Variants in ZHX2 observed in about 807,000 individuals in gnomAD.
The protein encoded by ZHX2 is zinc fingers and homeoboxes protein 2.
A neutral mutation model predicts 21.9 loss-of-function variants in ZHX2; 6 were observed. The observed-to-expected ratio is 0.27, with a 90% CI of 0.15 to 0.54. The LOEUF (loss-of-function observed/expected upper bound fraction) is 0.54, where lower values mean the gene tolerates loss of function less well. Among genes scored for constraint, ZHX2 ranks in the 20% least tolerant of loss-of-function variants. ZHX2 has a pLI of 0.95. For synonymous variants in ZHX2, 434 were observed against 437.1 expected (o/e 0.99, Z 0.09); for missense variants, 908 against 1,090.7 (o/e 0.83, Z 2.36).
Position 122,782,862 on chromosome 8 carries a change from G to C in ZHX2, c.-283+916G>C, listed in dbSNP as rs1394364532. ...GGCGCTTTTCGTCTGCCCCACAAGA[G>C]GTTAATCTTTGTTGGTGTTGCAGCT... On this transcript the variant is annotated intron_variant, in intron 1 of 3. Transcript: ENST00000314393. This position sits in a 1 kb window ranked among gnomAD's most constrained non-coding sequence, Gnocchi z 5.3. Among the ~76,000 whole-genome samples the C allele has an allele frequency of 6.6e-6, 1 of 152,246 alleles. No individual in the cohort carries two copies.
intron 2 of ZHX2, among the ~76,000 whole-genome samples, chr8:122,868,916 A>G (rs1819365285): frequency 6.6e-6 from 1 of 152,200 alleles, no homozygotes; most frequent in Non-Finnish European, 1.5e-5. Context: ...AGGGACCTGC[A>G]TGGCTGGAGG....
chr8:122,862,091 C>G (rs905599427), intron 1 of ZHX2, among the ~76,000 whole-genome samples: 6 of 152,166 alleles, frequency 3.9e-5, no homozygotes, highest in African/African-American at 1.4e-4. Context: ...AGGAGGGAAG[C>G]CTGTGGCCAG....
At position 122,923,862 on chromosome 8, in the gene ZHX2, C is replaced by T. The variant is rs73333695; in HGVS notation, c.-219-27430C>T. On this transcript the variant is annotated intron_variant, in intron 2 of 3. Coordinates refer to ENST00000314393, the MANE Select transcript of ZHX2 (RefSeq NM_014943.5). The stretch of plus-strand genomic sequence containing the variant: ...CCATGGGTATGCTCTCTGACAGATT[C>T]CTGTCGATAACCACCACCCCTCAGC... Among the ~76,000 whole-genome samples, 1,491 of 152,298 alleles carry T rather than the reference C, an allele frequency of 9.8e-3. 23 individuals are homozygous for T. Among genetic ancestry groups the T allele is most frequent in the African/African-American group, 0.033 (1,365 of 41,542 alleles).
intron 1 of ZHX2, among the ~76,000 whole-genome samples, chr8:122,790,555 T>G (rs1349973841): frequency 6.6e-6 from 1 of 152,306 alleles, no homozygotes; most frequent in South Asian, 2.1e-4. Flanking sequence ...ACATGCCTTT[T>G]GTGGGTGTGC....
At chr8:122,780,743 T>C (rs1238462214), upstream of ZHX2, 2 of 152,156 alleles carry the variant, frequency 1.3e-5, no homozygotes, top group Non-Finnish European at 2.9e-5. Flanking sequence ...GGAGTCCCAG[T>C]TGCGAAAGCG....
At chr8:122,851,222 G>T (rs1244433937) in intron 1 of ZHX2, among the ~76,000 whole-genome samples, 1 of 152,200 alleles carries the variant, frequency 6.6e-6, no homozygotes, top group African/African-American at 2.4e-5. Context: ...AAGTGTGAGA[G>T]AAAAAGAAGA....
chr8:122,953,695 C>T lies in ZHX2; in HGVS notation c.2185C>T (p.Gln729Ter), dbSNP rs1813210526. 6.2e-7 allele frequency: 1 copy of T among 1,614,194 alleles called. No homozygotes were observed. Among genetic ancestry groups the T allele is most frequent in the Admixed American group, 1.7e-5 (1 of 60,032 alleles). The change falls in exon 3 of 4, where the codon CAA becomes TAA. Residue 729 changes from glutamine (Q) to a stop codon, truncating the protein, a stop_gained. Transcript: ENST00000314393. LOFTEE classifies it low-confidence loss of function (END_TRUNC). The surrounding 1 kb of genome is among the most constrained non-coding windows in gnomAD (Gnocchi z 4.6). ...AAAGAACGGGGGTGATGTGGTTCCA[C>T]AATATTACAAGGACCCCAAAAAGCT... ...SPKNGGDVVPQYYKDPKKLCE... is the reference protein window; with the variant it reads ...SPKNGGDVVP
chr8:122,814,852 C>T (rs1174525900), intron 1 of ZHX2, among the ~76,000 whole-genome samples: 2 of 151,280 alleles, frequency 1.3e-5, no homozygotes, highest in South Asian at 2.1e-4. Context: ...TCCCTGGCAT[C>T]GGTTTGTTTT....
intron 1 of ZHX2, among the ~76,000 whole-genome samples, chr8:122,799,394 A>C (rs1817674051): frequency 7.6e-6 from 1 of 130,812 alleles, no homozygotes. Context: ...CTTGTGCGCC[A>C]CAATTTTTTT....
chr8:122,866,096 T>C (rs1262207915), intron 2 of ZHX2, among the ~76,000 whole-genome samples: 3 of 152,180 alleles, frequency 2.0e-5, no homozygotes, highest in South Asian at 2.1e-4. Context: ...ACCCTTACTA[T>C]CCTCCTTCCC....
chr8:122,883,653 T>G (rs927944335), intron 2 of ZHX2, among the ~76,000 whole-genome samples: 3 of 152,186 alleles, frequency 2.0e-5, no homozygotes, highest in Non-Finnish European at 4.4e-5. Context: ...AGCAGTAGCA[T>G]AGTTTTACAT....
At chr8:122,810,918 G>A (rs1344616888) in intron 1 of ZHX2, among the ~76,000 whole-genome samples, 1 of 152,164 alleles carries the variant, frequency 6.6e-6, no homozygotes, top group East Asian at 1.9e-4. Flanking sequence ...AAAGGGAGTG[G>A]CTGGGATTAT....
In ZHX2 at chr8:122,951,427, C is replaced by G. The variant is rs1813106224; in HGVS notation, c.-84C>G. On this transcript the variant is annotated 5_prime_UTR_variant, in exon 3 of 4. Coordinates refer to ENST00000314393, the MANE Select transcript of ZHX2 (RefSeq NM_014943.5). ...ATTTGAGGGGGAATAAAGCCAAAAG[C>G]CTTTCACCTTATTCGTTCCAAGAAT... 1 of 1,254,208 alleles carries G rather than the reference C, an allele frequency of 8.0e-7. No homozygotes were observed. 77.7% of individuals were successfully genotyped at this position (1,254,208 alleles called of 1,614,324 possible). A position where few individuals can be genotyped will look rare whatever the true frequency, so the allele number is the denominator to read the frequency against.
intron 1 of ZHX2, among the ~76,000 whole-genome samples, chr8:122,815,115 A>G (rs1485750006): frequency 1.3e-5 from 2 of 152,186 alleles, no homozygotes; most frequent in African/African-American, 4.8e-5. Flanking sequence ...GGGGTTCATA[A>G]TCATTTGTTG....
chr8:122,866,211 A>C, intron 2 of ZHX2, among the ~76,000 whole-genome samples: 1 of 152,206 alleles, frequency 6.6e-6, no homozygotes, highest in East Asian at 1.9e-4. Flanking sequence ...GTGTGGTCTC[A>C]AGCCACACAG....
At chr8:122,867,489 CTA>C (rs1819327488) in intron 2 of ZHX2, among the ~76,000 whole-genome samples, 1 of 152,232 alleles carries the variant, frequency 6.6e-6, no homozygotes, top group Non-Finnish European at 1.5e-5. Flanking sequence ...CACTGAAACT[CTA>C]ACAGAAGCAG....
intron 2 of ZHX2, among the ~76,000 whole-genome samples, chr8:122,868,626 G>A (rs184200044): frequency 3.3e-5 from 5 of 150,964 alleles, no homozygotes; most frequent in South Asian, 2.1e-4. Context: ...GCGAGAACCC[G>A]GGAGGCGGAG....
At chr8:122,910,944 A>C (rs1328160195) in intron 2 of ZHX2, among the ~76,000 whole-genome samples, 1 of 152,222 alleles carries the variant, frequency 6.6e-6, no homozygotes, top group African/African-American at 2.4e-5. Flanking sequence ...CCCTTCCAGA[A>C]CATCACTCCT....
intron 2 of ZHX2, among the ~76,000 whole-genome samples, chr8:122,913,824 A>G (rs1820536520): frequency 6.6e-6 from 1 of 152,190 alleles, no homozygotes. Context: ...TCTTATGACA[A>G]AGGAAGGGTT....
Sources: gnomAD v4.1 joint callset for allele counts (sites outside exome capture counted in the v4.1 genomes callset) on GRCh38, gnomAD v4.1.1 for gene constraint, Gnocchi (gnomAD v3.1) non-coding constraint, MANE v1.5 for transcripts, NCBI Gene and HGNC (gene_info 2026-07-23, HGNC 2026-07-21) for gene names.